Variants in GPR137 observed in about 807,000 individuals in gnomAD.
The protein encoded by GPR137 is integral membrane protein GPR137.
In GPR137, 20 loss-of-function variants were observed where a neutral mutation model predicts 38.9. The observed-to-expected ratio is 0.51, with a 90% confidence interval of 0.36 to 0.75. The LOEUF is 0.75. Ranked by LOEUF, GPR137 falls within the 30% of genes least tolerant of loss-of-function variation. The pLI is 0.00. For synonymous variants in GPR137, 226 were observed against 235.8 expected (o/e 0.96, Z 0.38); for missense variants, 456 against 526.4 (o/e 0.87, Z 1.31).
At position 64,288,772 on chromosome 11, in the gene GPR137, C is replaced by T. The variant is rs1462337463; in HGVS notation, c.1031+51C>T. The T allele has an allele frequency of 2.7e-6, 4 of 1,479,582 alleles. No homozygotes were observed. The highest frequency in any genetic ancestry group is 3.6e-6 in the Non-Finnish European group (4 of 1,115,136). The allele number at this position is 1,479,582 out of a possible 1,614,324, so 91.7% of individuals were successfully genotyped here. A position where few individuals can be genotyped will look rare whatever the true frequency, so the allele number is the denominator to read the frequency against. ...ACCCCTGCCCTACCCGCCCACCCCG[C>T]TGGCTCCATCAAGCTATGGGGGACC... On this transcript the variant is annotated intron_variant, in intron 6 of 6. Coordinates refer to ENST00000438980, the MANE Select transcript of GPR137 (RefSeq NM_001170880.2). The surrounding 1 kb of genome is among the most constrained non-coding windows in gnomAD (Gnocchi z 5.5).
upstream of GPR137, among the ~76,000 whole-genome samples, chr11:64,272,319 G>GAA (rs776668412): frequency 4.3e-5 from 6 of 139,078 alleles, no homozygotes; most frequent in Non-Finnish European, 6.3e-5. Context: ...TTTCTCAAAA[G>GAA]AAAAAAAAAA....
chr11:64,274,525 T>G (rs775764349), upstream of GPR137, among the ~76,000 whole-genome samples: 24 of 148,438 alleles, frequency 1.6e-4, no homozygotes, highest in Non-Finnish European at 3.0e-4. Context: ...CCATCTCTAC[T>G]AAAAATACAA....
At chr11:64,280,512 C>T (rs1272298852), upstream of GPR137, among the ~76,000 whole-genome samples, 4 of 148,326 alleles carry the variant, frequency 2.7e-5, no homozygotes, top group African/African-American at 4.9e-5. Flanking sequence ...CCACCACGCC[C>T]GGCTAATTTT....
chr11:64,283,745 C>T (rs1312527548), upstream of GPR137, among the ~76,000 whole-genome samples: 1 of 152,176 alleles, frequency 6.6e-6, no homozygotes, highest in Non-Finnish European at 1.5e-5. Context: ...CTTTTCGGAT[C>T]ACTGCCTGCC....
chr11:64,274,546 GGT>G (rs1252833611), upstream of GPR137, among the ~76,000 whole-genome samples: 1 of 152,162 alleles, frequency 6.6e-6, no homozygotes, highest in Non-Finnish European at 1.5e-5. Flanking sequence ...AAAAAGGCCA[GGT>G]GTGGTGGCTC....
upstream of GPR137, chr11:64,284,776 G>A (rs1417389764): frequency 2.0e-6 from 3 of 1,534,644 alleles, no homozygotes; most frequent in African/African-American, 2.7e-5. Context: ...AGGTCCAGAG[G>A]CGGGGTCAAC....
Position 64,286,214 on chromosome 11 carries a change from C to A in GPR137, c.-311C>A, listed in dbSNP as rs887991649. Reference sequence around the variant, plus strand: ...GAGTCCTCTCCTTGGGCCTCTGCATCCCCCCATCCTTGGCTCTGGGGTAGG... The same window carrying A: ...GAGTCCTCTCCTTGGGCCTCTGCATACCCCCATCCTTGGCTCTGGGGTAGG... On this transcript the variant is annotated 5_prime_UTR_variant, in exon 1 of 7. Transcript: ENST00000438980. 7.5e-5 allele frequency: 88 copies of A among 1,165,702 alleles called. No individual in the cohort carries two copies. The African/African-American group carries it at 1.4e-3, about 18-fold the overall frequency. The allele number at this position is 1,165,702 out of a possible 1,614,324, so 72.2% of individuals were successfully genotyped here. A position where few individuals can be genotyped will look rare whatever the true frequency, so the allele number is the denominator to read the frequency against.
chr11:64,285,691 C>T, upstream of GPR137: 1 of 985,254 alleles, frequency 1.0e-6, no homozygotes, highest in Non-Finnish European at 1.2e-6. Context: ...GCCCTCCTGC[C>T]GCCTCCCGTA....
upstream of GPR137, chr11:64,271,867 C>T (rs2032654089): frequency 1.6e-6 from 2 of 1,266,072 alleles, no homozygotes; most frequent in East Asian, 6.2e-5. Context: ...CCTGGCCCTG[C>T]CTGAACCCTC....
chr11:64,282,828 G>A (rs1180528691), upstream of GPR137, among the ~76,000 whole-genome samples: 3 of 149,624 alleles, frequency 2.0e-5, no homozygotes, highest in East Asian at 3.9e-4. Flanking sequence ...GCAGTGAGCC[G>A]AGATTGCACC....
intron 2 of GPR137, chr11:64,277,146 A>C (rs2135118715): frequency 3.3e-6 from 2 of 607,638 alleles, no homozygotes; most frequent in South Asian, 3.8e-5. Context: ...CGTTTGGAGC[A>C]GTGAAGCTCT....
At chr11:64,271,491 G>A (rs957401223), upstream of GPR137, 35 of 1,049,788 alleles carry the variant, frequency 3.3e-5, no homozygotes, top group Admixed American at 3.8e-5. Flanking sequence ...GAAGGAACAG[G>A]ACGGCTTTGG....
At chr11:64,270,761 C>G (rs1182561948), upstream of GPR137, 8 of 451,118 alleles carry the variant, frequency 1.8e-5, no homozygotes, top group African/African-American at 1.6e-4. Context: ...CACCACTGCA[C>G]TCCAGCCTGG....
chr11:64,274,695 C>T (rs1051526401), upstream of GPR137, among the ~76,000 whole-genome samples: 12 of 152,006 alleles, frequency 7.9e-5, no homozygotes, highest in Non-Finnish European at 1.5e-4. Flanking sequence ...GTGGCGCGAG[C>T]CTGTAATCCC....
At chr11:64,277,541 G>A (rs541648104) in intron 2 of GPR137, among the ~76,000 whole-genome samples, 39 of 152,258 alleles carry the variant, frequency 2.6e-4, no homozygotes, top group African/African-American at 7.7e-4. Context: ...AGGCGCAATC[G>A]ATCTTCCCAC....
chr11:64,279,595 G>A (rs904817169), upstream of GPR137, among the ~76,000 whole-genome samples: 2 of 150,118 alleles, frequency 1.3e-5, no homozygotes, highest in South Asian at 4.2e-4. Flanking sequence ...TGAAACCCCC[G>A]TCTCCACTAA....
chr11:64,284,056 A>T, upstream of GPR137: 1 of 1,170,906 alleles, frequency 8.5e-7, no homozygotes, highest in Non-Finnish European at 1.2e-6. Context: ...CGAAAGAGGA[A>T]ACTGGGGCTC....
chr11:64,280,193 G>A (rs1169157027), upstream of GPR137, among the ~76,000 whole-genome samples: 1 of 150,866 alleles, frequency 6.6e-6, no homozygotes, highest in Admixed American at 6.6e-5. Context: ...GGTGGCGGGA[G>A]GCTGTAGTCC....
chr11:64,285,936 C>T lies in GPR137; in HGVS notation c.-589C>T, dbSNP rs2033959590. The T allele has an allele frequency of 6.2e-6, 6 of 963,612 alleles. No homozygotes were observed. Among genetic ancestry groups the T allele is most frequent in the Admixed American group, 6.1e-5 (1 of 16,262 alleles). 59.7% of individuals were successfully genotyped at this position (963,612 alleles called of 1,614,324 possible). Reference sequence around the variant, plus strand: ...AGCGGCCTGAGGACCTGGCGTCCGCCTCCTCCCTCCCCTTGAGGCTGGAGC... The same window carrying T: ...AGCGGCCTGAGGACCTGGCGTCCGCTTCCTCCCTCCCCTTGAGGCTGGAGC... On this transcript the variant is annotated 5_prime_UTR_variant, in exon 1 of 7. Coordinates refer to ENST00000438980, the MANE Select transcript of GPR137 (RefSeq NM_001170880.2).
Sources: gnomAD v4.1 joint callset for allele counts (sites outside exome capture counted in the v4.1 genomes callset) on GRCh38, gnomAD v4.1.1 for gene constraint, Gnocchi (gnomAD v3.1) non-coding constraint, MANE v1.5 for transcripts, NCBI Gene and HGNC (gene_info 2026-07-23, HGNC 2026-07-21) for gene names.